The following NRXN1 variants were observed in gnomAD, a reference collection of about 807,000 sequenced individuals.
NRXN1 encodes the protein neurexin 1, also known as neurexin-1.
NRXN1 carries 39 observed loss-of-function variants against 150.9 expected under a neutral mutation model. That is an observed-to-expected ratio of 0.26 (90% CI 0.20 to 0.34). NRXN1 has a LOEUF of 0.34. Ranked by LOEUF, NRXN1 falls within the 10% of genes least tolerant of loss-of-function variation. The probability of loss-of-function intolerance (pLI) is 1.00; values close to 1 mark genes in which losing one functional copy is unlikely to be tolerated. For missense variants in NRXN1, 1,815 were observed against 1,949.9 expected (o/e 0.93, Z 1.30); for synonymous variants, 924 against 757.0 (o/e 1.22, Z -3.62).
intron 21 of NRXN1, chr2:50,023,756 T>C (rs1472662249): frequency 6.6e-6 from 1 of 152,174 alleles, no homozygotes; most frequent in Non-Finnish European, 1.5e-5. Context: ...ACCAAAATCA[T>C]GGTGGGTTGG....
chr2:50,126,786 A>G (rs914689190), intron 18 of NRXN1, among the ~76,000 whole-genome samples: 1 of 152,070 alleles, frequency 6.6e-6, no homozygotes, highest in Non-Finnish European at 1.5e-5. Flanking sequence ...TCTTTTAAGG[A>G]GCTTATGCAT....
chr2:50,813,184 C>A (rs1339421631), intron 5 of NRXN1, among the ~76,000 whole-genome samples: 1 of 149,986 alleles, frequency 6.7e-6, no homozygotes, highest in South Asian at 2.1e-4. Context: ...GACAGCAACA[C>A]CTTGTCTCAA....
At chr2:50,709,022 C>T (rs1257087044) in intron 5 of NRXN1, among the ~76,000 whole-genome samples, 1 of 152,082 alleles carries the variant, frequency 6.6e-6, no homozygotes, top group East Asian at 1.9e-4. Context: ...CAGGGACTGT[C>T]CTCTGTTCAT....
At chr2:51,007,823 A>G (rs1667260890) in intron 2 of NRXN1, among the ~76,000 whole-genome samples, 1 of 151,962 alleles carries the variant, frequency 6.6e-6, no homozygotes, top group South Asian at 2.1e-4. Flanking sequence ...CCTTCATTTC[A>G]AAAGTTTTCA....
Position 50,271,180 on chromosome 2 carries a change from C to T in NRXN1, c.3365-34210G>A, listed in dbSNP as rs186346109. ...ACAAAAATGCAGTATTTCACATTAG[C>T]TTTTAGGCTACCTGATTGAAATGAC... On this transcript the variant is annotated intron_variant, in intron 17 of 22. Transcript: ENST00000401669. Among the ~76,000 whole-genome samples the T allele has an allele frequency of 1.8e-3, 281 of 152,226 alleles. 1 individual carries two copies. Among genetic ancestry groups the T allele is most frequent in the Non-Finnish European group, 1.6e-3 (111 of 68,034 alleles).
intron 17 of NRXN1, among the ~76,000 whole-genome samples, chr2:50,385,267 A>T (rs1020249074): frequency 6.6e-6 from 1 of 152,186 alleles, no homozygotes; most frequent in African/African-American, 2.4e-5. Context: ...GAATGTTTGC[A>T]TTGCTTTGGG....
chr2:50,116,686 C>T (rs191976306), intron 18 of NRXN1, among the ~76,000 whole-genome samples: 10 of 152,046 alleles, frequency 6.6e-5, no homozygotes, highest in Non-Finnish European at 1.5e-4. Context: ...GAGGAATAGG[C>T]AAAATCTTCC....
intron 18 of NRXN1, among the ~76,000 whole-genome samples, chr2:50,193,824 A>T (rs1434780796): frequency 6.6e-6 from 1 of 152,124 alleles, no homozygotes; most frequent in Non-Finnish European, 1.5e-5. Flanking sequence ...TCAAGGACAT[A>T]CTGTCTTTTA....
At chr2:50,906,545 T>G (rs1683696977) in intron 5 of NRXN1, among the ~76,000 whole-genome samples, 1 of 152,110 alleles carries the variant, frequency 6.6e-6, no homozygotes, top group African/African-American at 2.4e-5. Context: ...CTATGCTGTT[T>G]TCTTATCTTT....
intron 18 of NRXN1, among the ~76,000 whole-genome samples, chr2:50,093,509 C>T (rs902507332): frequency 1.3e-5 from 2 of 150,858 alleles, no homozygotes; most frequent in African/African-American, 4.9e-5. Context: ...GTGGCACACA[C>T]CTGTATTCCC....
chr2:50,265,998 A>ATTTTT (rs1312732112), intron 17 of NRXN1, among the ~76,000 whole-genome samples: 3 of 109,952 alleles, frequency 2.7e-5, no homozygotes, highest in African/African-American at 7.3e-5. Context: ...TATTATTATT[A>ATTTTT]TTTATTTTTT....
intron 18 of NRXN1, among the ~76,000 whole-genome samples, chr2:50,217,628 G>C (rs934048378): frequency 6.6e-6 from 1 of 151,906 alleles, no homozygotes; most frequent in African/African-American, 2.4e-5. Context: ...GGGACCTAAA[G>C]AAACAGTCCT....
intron 5 of NRXN1, among the ~76,000 whole-genome samples, chr2:50,688,767 A>G (rs886952654): frequency 6.6e-6 from 1 of 152,198 alleles, no homozygotes; most frequent in Non-Finnish European, 1.5e-5. Context: ...TCTAAAGAGT[A>G]AAATTAGTCT....
intron 21 of NRXN1, among the ~76,000 whole-genome samples, chr2:49,948,481 A>T (rs1673351356): frequency 6.6e-6 from 1 of 152,002 alleles, no homozygotes. Flanking sequence ...CTTGATTTTC[A>T]TATATGTTTT....
intron 5 of NRXN1, among the ~76,000 whole-genome samples, chr2:50,790,856 T>C (rs1452864325): frequency 6.6e-6 from 1 of 152,138 alleles, no homozygotes; most frequent in Admixed American, 6.6e-5. Context: ...TGTGCTTGTA[T>C]TTTGACCGCA....
chr2:50,688,488 T>A (rs562556445), intron 5 of NRXN1, among the ~76,000 whole-genome samples: 1 of 152,244 alleles, frequency 6.6e-6, no homozygotes, highest in East Asian at 1.9e-4. Flanking sequence ...ATTTCACCTC[T>A]CTAAAACAGA....
chr2:50,435,495 T>C (rs940205759), intron 17 of NRXN1, among the ~76,000 whole-genome samples: 1 of 152,244 alleles, frequency 6.6e-6, no homozygotes, highest in African/African-American at 2.4e-5. Context: ...GTAGTCTGCA[T>C]AGTATTCCAT....
At chr2:50,745,296 T>C (rs530479764) in intron 5 of NRXN1, among the ~76,000 whole-genome samples, 1 of 111,462 alleles carries the variant, frequency 9.0e-6, no homozygotes, top group Non-Finnish European at 1.9e-5. Flanking sequence ...TATATTTATA[T>C]CTGCCCCCCC....
intron 12 of NRXN1, among the ~76,000 whole-genome samples, chr2:50,524,594 T>C (rs1240780958): frequency 6.6e-6 from 1 of 151,936 alleles, no homozygotes; most frequent in Non-Finnish European, 1.5e-5. Context: ...GCCATTGATT[T>C]GGAAAAACAA....
Sources: gnomAD v4.1 joint callset for allele counts (sites outside exome capture counted in the v4.1 genomes callset) on GRCh38, gnomAD v4.1.1 for gene constraint, MANE v1.5 for transcripts, NCBI Gene and HGNC (gene_info 2026-07-23, HGNC 2026-07-21) for gene names.